The following TRHDE variants were observed in gnomAD, a reference collection of about 807,000 sequenced individuals.
TRHDE encodes thyrotropin-releasing hormone-degrading ectoenzyme.
Under a neutral mutation model 125.7 loss-of-function variants are expected in TRHDE, and 72 were observed. The ratio of observed to expected loss-of-function variants is 0.57; its 90% CI spans 0.47 to 0.70. TRHDE has a LOEUF of 0.70. Among genes scored for constraint, TRHDE ranks in the 30% least tolerant of loss-of-function variants. TRHDE has a pLI of 0.00. For synonymous variants in TRHDE, 509 were observed against 509.1 expected (o/e 1.00, Z 0.00); for missense variants, 1,110 against 1,327.1 (o/e 0.84, Z 2.54).
At chr12:72,557,495 C>A (rs1869978964) in intron 7 of TRHDE, among the ~76,000 whole-genome samples, 1 of 152,150 alleles carries the variant, frequency 6.6e-6, no homozygotes, top group African/African-American at 2.4e-5. Context: ...ATGGAATCAT[C>A]CCTTTATGTC....
In TRHDE at chr12:72,238,341, A is replaced by T. The variant is rs1424644680; in HGVS notation, n.279+132589A>T. On this transcript the variant is annotated intron_variant and non_coding_transcript_variant, in intron 2 of 4. Transcript: ENST00000548156. ...ATATATACATATATATATACACATTATATATATATATATATATATATACAC... is the reference window on the plus strand; with the variant it reads ...ATATATACATATATATATACACATTTTATATATATATATATATATATACAC... 1.8e-4 allele frequency among the ~76,000 whole-genome samples: 8 copies of T among 43,248 alleles called. 1 individual carries two copies. The highest frequency in any genetic ancestry group is 5.1e-4 in the African/African-American group (6 of 11,696). 28.4% of individuals were successfully genotyped at this position (43,248 alleles called of 152,430 possible). A position where few individuals can be genotyped will look rare whatever the true frequency, so the allele number is the denominator to read the frequency against.
chr12:72,477,260 A>G (rs1041637583), intron 5 of TRHDE, among the ~76,000 whole-genome samples: 1 of 152,192 alleles, frequency 6.6e-6, no homozygotes, highest in African/African-American at 2.4e-5. Context: ...TTGTATAGAT[A>G]AGCTAACATT....
chr12:72,242,308 C>T (rs1878498089), intron 2 of TRHDE, among the ~76,000 whole-genome samples: 1 of 152,112 alleles, frequency 6.6e-6, no homozygotes, highest in Admixed American at 6.6e-5. Context: ...CCTGCATTCC[C>T]TTTTTGCGGT....
chr12:72,625,594 C>A (rs541107381), intron 15 of TRHDE, among the ~76,000 whole-genome samples: 37 of 151,932 alleles, frequency 2.4e-4, no homozygotes, highest in African/African-American at 8.7e-4. Flanking sequence ...TAATGATGAT[C>A]ATAAAGCTAT....
intron 2 of TRHDE, among the ~76,000 whole-genome samples, chr12:72,178,865 T>C (rs186125959): frequency 4.5e-4 from 69 of 152,192 alleles, no homozygotes; most frequent in African/African-American, 1.2e-3. Context: ...GCAAGAAATA[T>C]CAAAATATTT....
chr12:72,587,369 A>G (rs1198446175), intron 12 of TRHDE, among the ~76,000 whole-genome samples: 1 of 152,104 alleles, frequency 6.6e-6, no homozygotes, highest in East Asian at 1.9e-4. Context: ...CAACAGATGC[A>G]ATACGTAGGT....
chr12:72,203,182 C>A (rs193193173), intron 2 of TRHDE, among the ~76,000 whole-genome samples: 87 of 152,086 alleles, frequency 5.7e-4, no homozygotes, highest in Middle Eastern at 3.4e-3. Context: ...ATGGTCTAGG[C>A]CGGGCGTAGT....
intron 1 of TRHDE, among the ~76,000 whole-genome samples, chr12:72,089,085 T>C (rs1874733507): frequency 6.6e-6 from 1 of 152,120 alleles, no homozygotes; most frequent in African/African-American, 2.4e-5. Context: ...GGCAACTCTA[T>C]CTAGTTTCCA....
intron 7 of TRHDE, among the ~76,000 whole-genome samples, chr12:72,545,195 A>G (rs561482317): frequency 1.3e-5 from 2 of 151,586 alleles, no homozygotes; most frequent in African/African-American, 4.8e-5. Flanking sequence ...AATATTTTTT[A>G]AATGCAAAAA....
rs753555217 is a variant in TRHDE, at chr12:72,656,965, G to A, written c.3023G>A (p.Ser1008Asn). ...EALFMNSKLISGVTEFLNTEG... is the reference protein window; with the variant it reads ...EALFMNSKLINGVTEFLNTEG... ...TTGTTTATGAATTCCAAACTCATCAGTGGTGTCACAGAATTTCTTAATACT... is the reference window on the plus strand; with the variant it reads ...TTGTTTATGAATTCCAAACTCATCAATGGTGTCACAGAATTTCTTAATACT... Residue 1008 changes from serine to asparagine, a missense_variant, in exon 18 of 19, where the codon AGT (serine) becomes AAT (asparagine). Physicochemically the swap from Ser to Asn is conservative, Grantham distance 46 (BLOSUM62 1). Transcript: ENST00000261180. 2 of 1,611,290 alleles carry A rather than the reference G, an allele frequency of 1.2e-6. No individual in the cohort carries two copies. The highest frequency in any genetic ancestry group is 1.7e-6 in the Non-Finnish European group (2 of 1,178,150).
At chr12:72,406,015 C>G (rs1873250435) in intron 3 of TRHDE, among the ~76,000 whole-genome samples, 1 of 152,116 alleles carries the variant, frequency 6.6e-6, no homozygotes, top group Non-Finnish European at 1.5e-5. Flanking sequence ...TTTTACTTCT[C>G]TCTTGCTTGA....
chr12:72,285,070 A>G (rs1390343104), intron 1 of TRHDE, among the ~76,000 whole-genome samples: 1 of 152,182 alleles, frequency 6.6e-6, no homozygotes, highest in South Asian at 2.1e-4. Context: ...ATTTTTCTCT[A>G]TTCTAAAACT....
At chr12:72,581,471 TATC>T (rs1871223060) in intron 12 of TRHDE, among the ~76,000 whole-genome samples, 1 of 152,190 alleles carries the variant, frequency 6.6e-6, no homozygotes, top group Admixed American at 6.5e-5. Context: ...TCATCATAAA[TATC>T]ATCATAGTCC....
At chr12:72,289,382 TA>T (rs935615702) in intron 2 of TRHDE, among the ~76,000 whole-genome samples, 6 of 151,688 alleles carry the variant, frequency 4.0e-5, no homozygotes, top group African/African-American at 9.7e-5. Context: ...TTAGAAAGAT[TA>T]AAAAAAAATC....
intron 2 of TRHDE, among the ~76,000 whole-genome samples, chr12:72,117,835 G>A (rs747376399): frequency 6.7e-6 from 1 of 148,776 alleles, no homozygotes; most frequent in African/African-American, 2.5e-5. Flanking sequence ...TGTAGCTATT[G>A]TAAATGAAAC....
chr12:72,606,238 C>T (rs548017857), intron 12 of TRHDE, among the ~76,000 whole-genome samples: 6 of 152,180 alleles, frequency 3.9e-5, no homozygotes, highest in South Asian at 2.1e-4. Flanking sequence ...TGACTGGTTT[C>T]GGATTTATGA....
chr12:72,242,315 C>A (rs528670256), intron 2 of TRHDE, among the ~76,000 whole-genome samples: 2 of 152,048 alleles, frequency 1.3e-5, no homozygotes, highest in African/African-American at 2.4e-5. Flanking sequence ...TCCCTTTTTG[C>A]GGTTGGAAAG....
chr12:72,099,057 C>T (rs984720757), intron 1 of TRHDE, among the ~76,000 whole-genome samples: 11 of 151,614 alleles, frequency 7.3e-5, no homozygotes, highest in Non-Finnish European at 1.0e-4. Flanking sequence ...CCCAGCTGCT[C>T]GGGAGGCTGA....
rs924346825 is a variant in TRHDE at position 72,537,038 on chromosome 12, G to A, written c.1723-5253G>A. Among the ~76,000 whole-genome samples the A allele has an allele frequency of 2.0e-5, 3 of 151,982 alleles. No individual in the cohort carries two copies. In the South Asian group the frequency reaches 6.2e-4, roughly 31 times the overall value. ...GTCATCTAAATTCGTTTAAATTATT[G>A]ATTTTGGAGGTGGGTATAAGTGGGT... is the stretch of plus-strand genomic sequence containing the variant. On this transcript the variant is annotated intron_variant, in intron 6 of 18. Transcript: ENST00000261180.
Sources: allele counts gnomAD v4.1 joint callset (sites outside exome capture counted in the v4.1 genomes callset), GRCh38; gene constraint gnomAD v4.1.1; transcripts MANE v1.5; gene names NCBI Gene and HGNC (gene_info 2026-07-23, HGNC 2026-07-21).